Variants in KMT2C observed in about 807,000 individuals in gnomAD.
The protein encoded by KMT2C is lysine methyltransferase 2C.
A neutral mutation model predicts 507.9 loss-of-function variants in KMT2C; 88 were observed. That is an observed-to-expected ratio of 0.17 (90% CI 0.15 to 0.21). The LOEUF is 0.21. Ranked by LOEUF, KMT2C falls within the 10% of genes least tolerant of loss-of-function variation. The probability of loss-of-function intolerance (pLI) is 1.00; values close to 1 mark genes in which losing one functional copy is unlikely to be tolerated. For missense variants in KMT2C, 4,954 were observed against 5,957.8 expected (o/e 0.83, Z 5.55); for synonymous variants, 2,049 against 2,080.8 (o/e 0.98, Z 0.42).
rs565629688 is a variant in KMT2C, at chr7:152,173,989, C to T, written c.9374+142G>A. ...TATAGCATTTTGTATCTGATCATAT[C>T]GAGCTGATGCCATGACAACTTAAAT... On this transcript the variant is annotated intron_variant, in intron 39 of 58. Transcript: ENST00000262189. 8 of 501,766 alleles carry T rather than the reference C, an allele frequency of 1.6e-5. No homozygotes were observed. In the South Asian group the frequency reaches 2.5e-4, roughly 16 times the overall value. The allele number at this position is 501,766 out of a possible 1,614,324, so 31.1% of individuals were successfully genotyped here.
chr7:152,319,424 T>C (rs1271490660), intron 3 of KMT2C, among the ~76,000 whole-genome samples: 1 of 152,146 alleles, frequency 6.6e-6, no homozygotes. Context: ...GTGCGAGCCT[T>C]CTGTTATGCC....
At chr7:152,278,032 C>G (rs1364032117) in intron 6 of KMT2C, among the ~76,000 whole-genome samples, 1 of 151,884 alleles carries the variant, frequency 6.6e-6, no homozygotes, top group Admixed American at 6.6e-5. Context: ...GATATTTGTC[C>G]CCGCCAAAAT....
chr7:152,406,838 T>G (rs181925659), intron 1 of KMT2C, among the ~76,000 whole-genome samples: 16 of 144,864 alleles, frequency 1.1e-4, no homozygotes, highest in East Asian at 8.3e-4. Context: ...TTTTATTTTT[T>G]GGTTTTTTTT....
At chr7:152,160,198 A>ATT (rs889816123) in intron 43 of KMT2C, among the ~76,000 whole-genome samples, 37 of 152,248 alleles carry the variant, frequency 2.4e-4, no homozygotes, top group African/African-American at 8.9e-4. Context: ...TGTAAAAGCC[A>ATT]TTTTTAGCTC....
At chr7:152,269,993 A>C (rs2095931610) in intron 7 of KMT2C, among the ~76,000 whole-genome samples, 1 of 152,234 alleles carries the variant, frequency 6.6e-6, no homozygotes, top group South Asian at 2.1e-4. Flanking sequence ...ACAACACATA[A>C]GAATAAAAGC....
intron 28 of KMT2C, among the ~76,000 whole-genome samples, chr7:152,194,832 C>T (rs1410303352): frequency 6.9e-6 from 1 of 144,782 alleles, no homozygotes; most frequent in Non-Finnish European, 1.5e-5. Context: ...CTGATTTTAA[C>T]TTGCCAACTC....
At chr7:152,346,953 C>T (rs2097065181) in intron 2 of KMT2C, among the ~76,000 whole-genome samples, 1 of 152,088 alleles carries the variant, frequency 6.6e-6, no homozygotes, top group Admixed American at 6.5e-5. Flanking sequence ...CGGTGAAACC[C>T]CGTCTCTACT....
intron 2 of KMT2C, among the ~76,000 whole-genome samples, chr7:152,347,496 G>A (rs1370840617): frequency 1.8e-4 from 28 of 152,264 alleles, no homozygotes; most frequent in Non-Finnish European, 4.4e-5. Flanking sequence ...GGTATCCCAT[G>A]GTGTTTTAAT....
intron 14 of KMT2C, among the ~76,000 whole-genome samples, chr7:152,246,747 G>A (rs1169991747): frequency 3.3e-5 from 5 of 152,036 alleles, no homozygotes; most frequent in Non-Finnish European, 2.9e-5. Context: ...AACTTTTCAT[G>A]GTAGAGCAGA....
At chr7:152,176,048 AAAAC>A (rs900139031) in intron 38 of KMT2C, 139 bp downstream of exon 38, 49 of 938,706 alleles carry the variant, frequency 5.2e-5, no homozygotes, top group East Asian at 2.8e-4. Flanking sequence ...GTCTCAAAAC[AAAAC>A]AAACAAACTC....
In KMT2C at chr7:152,156,075, C is replaced by T; in HGVS notation, c.11813-18G>A. 1 of 1,595,574 alleles carries T rather than the reference C, an allele frequency of 6.3e-7. No individual in the cohort carries two copies. Among genetic ancestry groups the T allele is most frequent in the Non-Finnish European group, 8.5e-7 (1 of 1,172,890 alleles). ...TTTGGTAACTGGAAAAGCAAAAACA[C>T]AAAACCATAAATACATTCAGTCAAT... On this transcript the variant is annotated intron_variant, in intron 45 of 58. Transcript: ENST00000262189.
intron 1 of KMT2C, among the ~76,000 whole-genome samples, chr7:152,359,307 A>G (rs2129232158): frequency 6.6e-6 from 1 of 151,600 alleles, no homozygotes; most frequent in African/African-American, 2.4e-5. Context: ...AAAAAAAACT[A>G]ATGCCTTTAA....
intron 9 of KMT2C, among the ~76,000 whole-genome samples, chr7:152,259,450 A>ACACACGCG (rs1563624735): frequency 1.3e-4 from 12 of 91,126 alleles, no homozygotes; most frequent in African/African-American, 5.9e-4. Flanking sequence ...ACACGCGCAC[A>ACACACGCG]CACACACACA....
At chr7:152,222,508 A>G in intron 21 of KMT2C, 65 bp downstream of exon 21, 1 of 779,924 alleles carries the variant, frequency 1.3e-6, no homozygotes, top group Non-Finnish European at 2.2e-6. Context: ...TTCATTGGTT[A>G]TGGACAGTAA....
intron 15 of KMT2C, among the ~76,000 whole-genome samples, chr7:152,237,409 C>A (rs57388823): frequency 0.042 from 6,329 of 152,056 alleles, 379 homozygotes; most frequent in African/African-American, 0.14. Flanking sequence ...TCTTCTCTTA[C>A]CCTGCTCTCC....
At chr7:152,413,714 A>G (rs74741689) in intron 1 of KMT2C, among the ~76,000 whole-genome samples, 814 of 123,304 alleles carry the variant, frequency 6.6e-3, no homozygotes, top group South Asian at 8.4e-3. Context: ...GCAAAACCCC[A>G]TCTATACTAA....
chr7:152,347,773 A>G (rs1455632286), intron 2 of KMT2C, among the ~76,000 whole-genome samples: 2 of 152,234 alleles, frequency 1.3e-5, no homozygotes, highest in African/African-American at 2.4e-5. Flanking sequence ...GTATCTACAT[A>G]TACTTTATGC....
In KMT2C at chr7:152,205,131, G is replaced by C. The variant is rs756172945; in HGVS notation, c.3936C>G (p.Ser1312=). The C allele has an allele frequency of 2.2e-5, 36 of 1,612,046 alleles. No individual in the cohort carries two copies. In the South Asian group the frequency reaches 4.0e-4, roughly 18 times the overall value. ...VIRKDSSGSI[S]EQLPCRDDGW... is the part of the protein sequence containing the mutation. ...CATCATCTCTGCAAGGTAACTGCTC[G>C]GAAATAGAGCCTGAGGAATCTTTTC... is the stretch of plus-strand genomic sequence containing the variant. Residue 1312 remains serine, a synonymous_variant, in exon 25 of 59, where the codon TCC becomes TCG. Transcript: ENST00000262189.
intron 9 of KMT2C, among the ~76,000 whole-genome samples, chr7:152,256,706 A>G (rs536545840): frequency 6.6e-6 from 1 of 152,358 alleles, no homozygotes; most frequent in East Asian, 1.9e-4. Context: ...GGCAAAACAC[A>G]TGAACAGACA....
Sources: allele counts gnomAD v4.1 joint callset (sites outside exome capture counted in the v4.1 genomes callset), GRCh38; gene constraint gnomAD v4.1.1; transcripts MANE v1.5; gene names NCBI Gene and HGNC (gene_info 2026-07-23, HGNC 2026-07-21).